RILPL1: variants seen among roughly 807,000 people sequenced by gnomAD.
RILPL1 encodes RILP-like protein 1.
In RILPL1, 33 loss-of-function variants were observed where a neutral mutation model predicts 50.3. The observed-to-expected ratio is 0.66, with a 90% confidence interval of 0.50 to 0.88. The LOEUF (loss-of-function observed/expected upper bound fraction) is 0.88, where lower values mean the gene tolerates loss of function less well. Among genes scored for constraint, RILPL1 ranks in the 40% least tolerant of loss-of-function variants. The pLI is 0.00. For missense variants in RILPL1, 418 were observed against 542.5 expected (o/e 0.77, Z 2.28); for synonymous variants, 205 against 228.6 (o/e 0.90, Z 0.93).
chr12:123,521,415 AC>A (rs1436940938), intron 2 of RILPL1, among the ~76,000 whole-genome samples: 1 of 151,664 alleles, frequency 6.6e-6, no homozygotes, highest in Non-Finnish European at 1.5e-5. Flanking sequence ...TCAAATCTCA[AC>A]AAAGGAAATC....
At chr12:123,492,226 GA>G (rs67147846) in intron 4 of RILPL1, among the ~76,000 whole-genome samples, 30,513 of 134,220 alleles carry the variant, frequency 0.23, 3,322 homozygotes, top group Middle Eastern at 0.3. Flanking sequence ...AAAAAAAGAA[GA>G]AAAAAAAATA....
In RILPL1 at chr12:123,472,562, T is replaced by C. The variant is rs1409430679; in HGVS notation, c.1188A>G (p.Gly396=). 1.3e-6 allele frequency: 2 copies of C among 1,552,626 alleles called. No homozygotes were observed. The highest frequency in any genetic ancestry group is 1.7e-6 in the Non-Finnish European group (2 of 1,147,614). Residue 396 remains glycine (G), a synonymous_variant, in exon 7 of 7, where the codon GGA becomes GGG. Coordinates refer to ENST00000376874, the MANE Select transcript of RILPL1 (RefSeq NM_178314.5). ...THRDDGYTEQ[G]QEALQHL is the part of the protein sequence containing the mutation. ...GTCACAGATGCTGCAGGGCTTCCTG[T>C]CCTTGCTCTGTGTAACCGTCATCGC...
intron 2 of RILPL1, among the ~76,000 whole-genome samples, chr12:123,516,657 G>T (rs1884713436): frequency 6.6e-6 from 1 of 152,182 alleles, no homozygotes; most frequent in Non-Finnish European, 1.5e-5. Flanking sequence ...ACCTTGGAAT[G>T]CGGCCTTATT....
intron 2 of RILPL1, among the ~76,000 whole-genome samples, chr12:123,504,325 C>T (rs11522341): frequency 0.15 from 23,039 of 152,018 alleles, 1,838 homozygotes; most frequent in Non-Finnish European, 0.18. Flanking sequence ...ATGACTTTCC[C>T]CCCCGGGTGC....
In RILPL1 at chr12:123,493,638, T is replaced by C. The variant is rs186253949; in HGVS notation, c.801+4906A>G. 1.3e-3 allele frequency among the ~76,000 whole-genome samples: 205 copies of C among 152,288 alleles called. 1 individual carries two copies. The highest frequency in any genetic ancestry group is 4.8e-3 in the African/African-American group (199 of 41,566). ...CTCTCATGTCCTCCAAATCCTGCCC[T>C]GGGACAAACCCCTGACCCCAGCCAC... On this transcript the variant is annotated intron_variant, in intron 4 of 6. Coordinates refer to ENST00000376874, the MANE Select transcript of RILPL1 (RefSeq NM_178314.5).
intron 2 of RILPL1, among the ~76,000 whole-genome samples, chr12:123,508,175 C>T (rs2139355174): frequency 6.6e-6 from 1 of 152,252 alleles, no homozygotes; most frequent in Admixed American, 6.5e-5. Flanking sequence ...AGAAGGATCA[C>T]TGGAACTCAG....
At chr12:123,504,677 C>T (rs1204435737) in intron 2 of RILPL1, among the ~76,000 whole-genome samples, 1 of 152,194 alleles carries the variant, frequency 6.6e-6, no homozygotes, top group Non-Finnish European at 1.5e-5. Flanking sequence ...GACCTTATTT[C>T]ATTCTCATTC....
intron 4 of RILPL1, among the ~76,000 whole-genome samples, chr12:123,494,827 G>A (rs112116381): frequency 5.3e-5 from 8 of 152,118 alleles, no homozygotes; most frequent in Non-Finnish European, 1.0e-4. Flanking sequence ...TGAGTGTATC[G>A]CTCGCCTGCT....
intron 6 of RILPL1, chr12:123,474,854 A>G (rs1464538351): frequency 3.3e-5 from 5 of 152,196 alleles, no homozygotes; most frequent in Non-Finnish European, 7.3e-5. Flanking sequence ...TCCAGAGTTT[A>G]GTTTTAATCA....
At chr12:123,523,948 C>A (rs1400298886) in intron 1 of RILPL1, among the ~76,000 whole-genome samples, 1 of 152,244 alleles carries the variant, frequency 6.6e-6, no homozygotes, top group African/African-American at 2.4e-5. Context: ...GACAGAGCAG[C>A]CCCAGGATAC....
At chr12:123,523,680 C>T (rs780512144) in intron 1 of RILPL1, 35 bp from the exon 2 acceptor site, 4 of 1,600,470 alleles carry the variant, frequency 2.5e-6, no homozygotes, top group Non-Finnish European at 3.4e-6. Flanking sequence ...GGGTCACTGC[C>T]TGCCCAGAGC....
chr12:123,499,383 G>C (rs764656059), intron 3 of RILPL1, 35 bp downstream of exon 3: 11 of 1,480,072 alleles, frequency 7.4e-6, no homozygotes, highest in Non-Finnish European at 9.4e-6. Context: ...CTACTGGCTG[G>C]GAGGGTGGAC....
rs752007942 is a variant in RILPL1, at chr12:123,472,580, G to C, written c.1170C>G (p.Asp390Glu). 2.6e-6 allele frequency: 4 copies of C among 1,556,402 alleles called. No homozygotes were observed. The Admixed American group carries it at 7.8e-5, about 30-fold the overall frequency. ...CTTCCTGTCCTTGCTCTGTGTAACC[G>C]TCATCGCGGTGGGTGTTTGCCCACT... is the stretch of plus-strand genomic sequence containing the variant. The part of the protein sequence containing the change: ...FGQWANTHRD[D>E]GYTEQGQEAL... The change falls in exon 7 of 7, where the codon GAC becomes GAG. Residue 390 changes from aspartate to glutamate, a missense_variant. By Grantham distance (45) the Asp-to-Glu change is conservative. Transcript: ENST00000376874.
chr12:123,510,739 G>C (rs1343575925), intron 2 of RILPL1, among the ~76,000 whole-genome samples: 1 of 105,590 alleles, frequency 9.5e-6, no homozygotes, highest in Non-Finnish European at 2.0e-5. Context: ...TGTCTGGTGT[G>C]TGTGTGAGGT....
At chr12:123,479,091 G>A (rs1487376723) in intron 6 of RILPL1, among the ~76,000 whole-genome samples, 1 of 152,168 alleles carries the variant, frequency 6.6e-6, no homozygotes, top group African/African-American at 2.4e-5. Flanking sequence ...GAGACTCGGG[G>A]AGGGGAGCGG....
chr12:123,515,709 C>T (rs1184480060), intron 2 of RILPL1, among the ~76,000 whole-genome samples: 1 of 151,330 alleles, frequency 6.6e-6, no homozygotes, highest in African/African-American at 2.4e-5. Flanking sequence ...CTCAGCCTCC[C>T]AAAGTGTTGG....
At chr12:123,504,749 C>T (rs1883626163) in intron 2 of RILPL1, among the ~76,000 whole-genome samples, 1 of 152,166 alleles carries the variant, frequency 6.6e-6, no homozygotes, top group Non-Finnish European at 1.5e-5. Context: ...TCTCATTTTA[C>T]ATATATGAAA....
intron 6 of RILPL1, chr12:123,475,839 T>C: frequency 1.3e-6 from 1 of 773,926 alleles, no homozygotes; most frequent in Non-Finnish European, 2.2e-6. Context: ...GTGGAAGGGT[T>C]TGATTAGGGT....
intron 6 of RILPL1, chr12:123,473,987 T>C (rs1473964008): frequency 6.6e-6 from 1 of 152,128 alleles, no homozygotes; most frequent in East Asian, 1.9e-4. Flanking sequence ...CCGGTTCAAG[T>C]GATTCTTCTG....
Sources: gnomAD v4.1 joint callset for allele counts (sites outside exome capture counted in the v4.1 genomes callset) on GRCh38, gnomAD v4.1.1 for gene constraint, MANE v1.5 for transcripts, NCBI Gene and HGNC (gene_info 2026-07-23, HGNC 2026-07-21) for gene names.